Variants in SHB observed in about 807,000 individuals in gnomAD.
SHB encodes SH2 domain-containing adapter protein B.
Under a neutral mutation model 52.3 loss-of-function variants are expected in SHB, and 20 were observed. That is an observed-to-expected ratio of 0.38 (90% CI 0.27 to 0.56). SHB has a LOEUF of 0.56. Ranked by LOEUF, SHB falls within the 20% of genes least tolerant of loss-of-function variation. The pLI is 0.71. For missense variants in SHB, 825 were observed against 723.3 expected (o/e 1.14, Z -1.61); for synonymous variants, 397 against 316.5 (o/e 1.25, Z -2.70).
intron 5 of SHB, among the ~76,000 whole-genome samples, chr9:37,934,373 C>G (rs1230469835): frequency 6.6e-6 from 1 of 152,214 alleles, no homozygotes; most frequent in African/African-American, 2.4e-5. Flanking sequence ...TCATAACTCA[C>G]TGTAACCTCT....
intron 5 of SHB, among the ~76,000 whole-genome samples, chr9:37,947,405 G>C (rs1204269297): frequency 3.3e-5 from 5 of 152,198 alleles, no homozygotes; most frequent in Non-Finnish European, 5.9e-5. Flanking sequence ...GCTGGAATCT[G>C]TCTATGCATT....
In SHB at chr9:37,918,711, TC is replaced by T. The variant is rs1832135963; in HGVS notation, c.*1109del. Among the ~76,000 whole-genome samples the T allele has an allele frequency of 6.6e-6, 1 of 152,208 alleles. No individual in the cohort carries two copies. The highest frequency in any genetic ancestry group is 1.5e-5 in the Non-Finnish European group (1 of 68,032). ...ATGACGTTCCTTCTCTGTCTCCCTT[TC>T]CCTACATGCCAAATACCTCCCAGGT... On this transcript the variant is annotated 3_prime_UTR_variant, in exon 6 of 6. Coordinates refer to ENST00000377707, the MANE Select transcript of SHB (RefSeq NM_003028.3).
intron 3 of SHB, among the ~76,000 whole-genome samples, chr9:37,966,322 G>A (rs1227981292): frequency 6.6e-6 from 1 of 152,096 alleles, no homozygotes; most frequent in East Asian, 1.9e-4. Flanking sequence ...AGGAGACAAA[G>A]GCACTTGGAG....
intron 1 of SHB, among the ~76,000 whole-genome samples, chr9:38,019,706 C>T (rs72726022): frequency 0.071 from 10,754 of 152,248 alleles, 490 homozygotes; most frequent in South Asian, 0.11. Context: ...TCCCCAAATG[C>T]GCCAAGTTTG....
intron 1 of SHB, among the ~76,000 whole-genome samples, chr9:38,039,809 G>C (rs1005539809): frequency 6.6e-6 from 1 of 152,256 alleles, no homozygotes; most frequent in South Asian, 2.1e-4. Flanking sequence ...GGCTGGTCCA[G>C]TAGGCCACAG....
chr9:37,958,953 G>A lies in SHB; in HGVS notation c.1055-2899C>T, dbSNP rs1043842129. Among the ~76,000 whole-genome samples the A allele has an allele frequency of 4.6e-5, 7 of 152,344 alleles. No individual in the cohort carries two copies. The East Asian group carries it at 1.2e-3, about 25-fold the overall frequency. ...CATGGGTGACCTTGGGCAGGGGAGAGCACTGGGGCTAGACAGACAAATTGG... is the reference window on the plus strand; with the variant it reads ...CATGGGTGACCTTGGGCAGGGGAGAACACTGGGGCTAGACAGACAAATTGG... On this transcript the variant is annotated intron_variant, in intron 3 of 5. Transcript: ENST00000377707.
chr9:37,983,254 A>G (rs976053931), intron 2 of SHB, among the ~76,000 whole-genome samples: 11 of 152,252 alleles, frequency 7.2e-5, no homozygotes, highest in African/African-American at 2.7e-4. Flanking sequence ...AGGAGGTCAT[A>G]GCACAGTGAT....
chr9:38,019,019 G>C (rs557078923), intron 1 of SHB, among the ~76,000 whole-genome samples: 66 of 152,344 alleles, frequency 4.3e-4, no homozygotes, highest in Non-Finnish European at 8.8e-4. Flanking sequence ...TCAACCAAAA[G>C]GGAGCCAGCC....
At chr9:38,000,014 A>G (rs1377544624) in intron 2 of SHB, among the ~76,000 whole-genome samples, 2 of 152,242 alleles carry the variant, frequency 1.3e-5, no homozygotes, top group East Asian at 3.8e-4. Context: ...AAGAAGAGCC[A>G]CGAGGCTGGG....
At chr9:37,922,342 T>C (rs1832191868) in intron 5 of SHB, among the ~76,000 whole-genome samples, 1 of 152,256 alleles carries the variant, frequency 6.6e-6, no homozygotes, top group Non-Finnish European at 1.5e-5. Context: ...GCAATGGCTC[T>C]GACAGAGTCC....
At chr9:37,951,674 G>C (rs1395508364) in intron 4 of SHB, among the ~76,000 whole-genome samples, 1 of 152,256 alleles carries the variant, frequency 6.6e-6, no homozygotes, top group African/African-American at 2.4e-5. Context: ...CTCTGAGATG[G>C]GGGCATGGCC....
At chr9:38,011,620 G>C (rs1821144363) in intron 2 of SHB, among the ~76,000 whole-genome samples, 1 of 152,134 alleles carries the variant, frequency 6.6e-6, no homozygotes, top group Admixed American at 6.5e-5. Flanking sequence ...GAAGTCGCTT[G>C]AGCCAGCCAC....
At chr9:37,920,519 G>A (rs1009461407) in intron 5 of SHB, among the ~76,000 whole-genome samples, 8 of 152,304 alleles carry the variant, frequency 5.3e-5, no homozygotes, top group Non-Finnish European at 8.8e-5. Flanking sequence ...TTCAGTAGTA[G>A]GAAACTGTCA....
chr9:37,936,708 G>C (rs922477982), intron 5 of SHB: 1 of 152,098 alleles, frequency 6.6e-6, no homozygotes, highest in Non-Finnish European at 1.5e-5. Context: ...TTTTTTCCTG[G>C]GGGGTTTCTA....
chr9:37,933,681 ACTC>A (rs1832338218), intron 5 of SHB, among the ~76,000 whole-genome samples: 1 of 151,972 alleles, frequency 6.6e-6, no homozygotes, highest in Non-Finnish European at 1.5e-5. Context: ...AATGATGGAA[ACTC>A]CTCTGTAATA....
At chr9:38,038,764 T>G (rs1309538105) in intron 1 of SHB, among the ~76,000 whole-genome samples, 1 of 152,080 alleles carries the variant, frequency 6.6e-6, no homozygotes, top group Non-Finnish European at 1.5e-5. Flanking sequence ...ATGAGCTGCC[T>G]GGGCATCTAG....
chr9:37,946,122 G>A (rs933522351), intron 5 of SHB, among the ~76,000 whole-genome samples: 1 of 152,208 alleles, frequency 6.6e-6, no homozygotes, highest in African/African-American at 2.4e-5. Flanking sequence ...CACAGATGAG[G>A]ACACTGAGGC....
intron 1 of SHB, among the ~76,000 whole-genome samples, chr9:38,033,348 A>G (rs1821440701): frequency 6.6e-6 from 1 of 152,184 alleles, no homozygotes; most frequent in African/African-American, 2.4e-5. Flanking sequence ...GGGCCAGCCA[A>G]TTCGGGGAGG....
rs138291109 is a variant in SHB at position 38,032,013 on chromosome 9, G to C, written c.718-15882C>G. Among the ~76,000 whole-genome samples, 659 of 152,224 alleles carry C rather than the reference G, an allele frequency of 4.3e-3. 6 individuals are homozygous for C. Among genetic ancestry groups the C allele is most frequent in the African/African-American group, 0.015 (637 of 41,544 alleles). On this transcript the variant is annotated intron_variant, in intron 1 of 5. Coordinates refer to ENST00000377707, the MANE Select transcript of SHB (RefSeq NM_003028.3). ...CACCCACTTCTCTGTGAAGACCTGGGACCGGGCAGGACTCATGGGGGCTGA... is the reference window on the plus strand; with the variant it reads ...CACCCACTTCTCTGTGAAGACCTGGCACCGGGCAGGACTCATGGGGGCTGA...
Sources: gnomAD v4.1 joint callset for allele counts (sites outside exome capture counted in the v4.1 genomes callset) on GRCh38, gnomAD v4.1.1 for gene constraint, MANE v1.5 for transcripts, NCBI Gene and HGNC (gene_info 2026-07-23, HGNC 2026-07-21) for gene names.